FNDC1: variants seen among roughly 807,000 people sequenced by gnomAD.
FNDC1 encodes the protein fibronectin type III domain containing 1.
A neutral mutation model predicts 168.0 loss-of-function variants in FNDC1; 96 were observed. The ratio of observed to expected loss-of-function variants is 0.57; its 90% CI spans 0.48 to 0.68. FNDC1 has a LOEUF of 0.68. Ranked by LOEUF, FNDC1 falls within the 30% of genes least tolerant of loss-of-function variation. The probability of loss-of-function intolerance (pLI) is 0.00; values close to 1 mark genes in which losing one functional copy is unlikely to be tolerated. For synonymous variants in FNDC1, 1,099 were observed against 1,025.9 expected, an observed-to-expected ratio of 1.07 and a Z score of -1.36; for missense variants, 2,587 against 2,482.1, an observed-to-expected ratio of 1.04 and a Z score of -0.90.
intron 4 of FNDC1, among the ~76,000 whole-genome samples, chr6:159,204,940 G>A (rs1329709668): frequency 6.6e-6 from 1 of 152,122 alleles, no homozygotes; most frequent in East Asian, 1.9e-4. Context: ...CTTCCCTGGG[G>A]GGATGAAGGT....
chr6:159,189,372 G>C (rs1277981305), intron 1 of FNDC1, among the ~76,000 whole-genome samples: 2 of 152,198 alleles, frequency 1.3e-5, no homozygotes, highest in African/African-American at 4.8e-5. Context: ...GCTCCAGTTA[G>C]AAAAATTCCT....
intron 12 of FNDC1, among the ~76,000 whole-genome samples, chr6:159,238,097 C>CTTTTT (rs61358656): frequency 7.4e-6 from 1 of 135,102 alleles, no homozygotes; most frequent in African/African-American, 2.7e-5. Context: ...CTGTTTTGTA[C>CTTTTT]TTTTTTTTTT....
Position 159,265,004 on chromosome 6 carries a change from G to C in FNDC1, c.5284G>C (p.Gly1762Arg). ...DNPLLVVRPP[G>R]GEPIWIPFAF... ...TCCTCTGCTTGTTGTGAGGCCCCCA[G>C]GTAAGTTTATGTTCTTGATAATCTG... Residue 1762 changes from glycine to arginine, a missense_variant and splice_region_variant, in exon 20 of 23, where the codon GGC (glycine) becomes CGC (arginine). Gly to Arg is a moderately radical substitution (Grantham distance 125). Coordinates refer to ENST00000297267, the MANE Select transcript of FNDC1 (RefSeq NM_032532.3). The C allele has an allele frequency of 3.7e-6, 6 of 1,605,510 alleles. No individual in the cohort carries two copies. The highest frequency in any genetic ancestry group is 5.1e-6 in the Non-Finnish European group (6 of 1,174,966).
chr6:159,244,509 A>G (rs1238175312), intron 14 of FNDC1, among the ~76,000 whole-genome samples: 1 of 152,076 alleles, frequency 6.6e-6, no homozygotes, highest in Non-Finnish European at 1.5e-5. Flanking sequence ...TGGACAGACT[A>G]CTCGAGGTTG....
chr6:159,252,500 A>G (rs750177320), intron 17 of FNDC1, among the ~76,000 whole-genome samples: 23 of 152,242 alleles, frequency 1.5e-4, no homozygotes, highest in Non-Finnish European at 1.3e-4. Context: ...GGGACACAGA[A>G]AAGAAGGCTT....
At chr6:159,198,496 G>A (rs1008744862) in intron 2 of FNDC1, among the ~76,000 whole-genome samples, 1 of 152,270 alleles carries the variant, frequency 6.6e-6, no homozygotes, top group Middle Eastern at 3.4e-3. Context: ...GGGAGATGAA[G>A]GAAGACAGAC....
chr6:159,246,482 A>T (rs1280781048), intron 14 of FNDC1, among the ~76,000 whole-genome samples: 1 of 152,034 alleles, frequency 6.6e-6, no homozygotes, highest in African/African-American at 2.4e-5. Flanking sequence ...CCAACCGCCC[A>T]CTCTCTTCTG....
Position 159,239,783 on chromosome 6 carries a change from ACCACCAGG to A in FNDC1, c.4449_4456del (p.Thr1484SerfsTer37), listed in dbSNP as rs1783372195. On this transcript the variant is annotated frameshift_variant, in exon 14 of 23. Coordinates refer to ENST00000297267, the MANE Select transcript of FNDC1 (RefSeq NM_032532.3). LOFTEE classifies it high-confidence loss of function. ...CCGCACGACCACCACCCGCCGCACG[ACCACCAGG>A]CGTCCAACAACCACAGTCCGAACCA... 3.2e-6 allele frequency: 5 copies of A among 1,543,280 alleles called. No homozygotes were observed. The highest frequency in any genetic ancestry group is 4.4e-6 in the Non-Finnish European group (5 of 1,141,992).
rs772809340 is a variant in FNDC1 at position 159,239,843 on chromosome 6, C to A, written c.4507C>A (p.Pro1503Thr). The change falls in exon 14 of 23, where the codon CCC becomes ACC. Residue 1503 changes from proline to threonine, a missense_variant. Transcript: ENST00000297267. ...TTTRTTTTTT[P>T]TPTTPIPTCP... Reference sequence around the variant, plus strand: ...TACGCGGACAACCACCACCACCACCCCCACACCCACCACTCCCATCCCCAC... The same window carrying A: ...TACGCGGACAACCACCACCACCACCACCACACCCACCACTCCCATCCCCAC... 87 of 1,545,994 alleles carry A rather than the reference C, an allele frequency of 5.6e-5. No homozygotes were observed. The highest frequency in any genetic ancestry group is 1.2e-5 in the South Asian group (1 of 83,754).
At position 159,239,690 on chromosome 6, in the gene FNDC1, C is replaced by A; in HGVS notation, c.4354C>A (p.Gln1452Lys). 1.9e-6 allele frequency: 3 copies of A among 1,551,398 alleles called. No individual in the cohort carries two copies. Among genetic ancestry groups the A allele is most frequent in the South Asian group, 1.2e-5 (1 of 84,044 alleles). The change falls in exon 14 of 23, where the codon CAG (glutamine) becomes AAG (lysine). Residue 1452 changes from glutamine (Q) to lysine (K), a missense_variant. Transcript: ENST00000297267. ...CACCCATCCCCCTACCACTACCATGCAGCCCACCACTACTACGACGCCCCT... is the reference window on the plus strand; with the variant it reads ...CACCCATCCCCCTACCACTACCATGAAGCCCACCACTACTACGACGCCCCT... ...KTTHPPTTTM[Q>K]PTTTTTPLPT...
intron 4 of FNDC1, among the ~76,000 whole-genome samples, chr6:159,204,643 C>G (rs1037558419): frequency 2.0e-5 from 3 of 152,196 alleles, no homozygotes; most frequent in African/African-American, 4.8e-5. Flanking sequence ...TACCTCTGCC[C>G]GTCGCTCTGC....
In FNDC1 at chr6:159,229,950, A is replaced by G. The variant is rs1285025846; in HGVS notation, c.1316A>G (p.Asn439Ser). Residue 439 changes from asparagine to serine, a missense_variant, in exon 10 of 23, where the codon AAC (asparagine) becomes AGC (serine). Physicochemically the swap from Asn to Ser is conservative, Grantham distance 46 (BLOSUM62 1). Coordinates refer to ENST00000297267, the MANE Select transcript of FNDC1 (RefSeq NM_032532.3). ...ERYLFKIRAT[N>S]RRGLGPHSKA... ...TATCTTTTCAAAATCCGGGCCACAAACAGGAGAGGCCTGGGACCTCACTCC... is the reference window on the plus strand; with the variant it reads ...TATCTTTTCAAAATCCGGGCCACAAGCAGGAGAGGCCTGGGACCTCACTCC... The G allele has an allele frequency of 6.2e-7, 1 of 1,613,812 alleles. No individual in the cohort carries two copies. Among genetic ancestry groups the G allele is most frequent in the Admixed American group, 1.7e-5 (1 of 59,982 alleles).
chr6:159,187,114 C>G (rs7760337), intron 1 of FNDC1, among the ~76,000 whole-genome samples: 5,043 of 152,278 alleles, frequency 0.033, 126 homozygotes, highest in Middle Eastern at 0.095. Flanking sequence ...TAATGGGGAC[C>G]TGCAGCCTAG....
intron 1 of FNDC1, among the ~76,000 whole-genome samples, chr6:159,188,087 A>C (rs1292525557): frequency 1.3e-5 from 2 of 152,214 alleles, no homozygotes; most frequent in East Asian, 3.8e-4. Context: ...GGAAAGTAAA[A>C]CTTGAACTTC....
In FNDC1 at chr6:159,184,701, C is replaced by T. The variant is rs1781956300; in HGVS notation, c.110-12730C>T. Among the ~76,000 whole-genome samples, 4 of 152,170 alleles carry T rather than the reference C, an allele frequency of 2.6e-5. No individual in the cohort carries two copies. In the South Asian group the frequency reaches 8.3e-4, roughly 32 times the overall value. On this transcript the variant is annotated intron_variant, in intron 1 of 22. Transcript: ENST00000297267. Reference sequence around the variant, plus strand: ...AGTGTTTAACATAGTTAGACAATGACTTTCACATTTTGGGAAAAGGAATAA... The same window carrying T: ...AGTGTTTAACATAGTTAGACAATGATTTTCACATTTTGGGAAAAGGAATAA...
rs369577956 is a variant in FNDC1 at position 159,225,568 on chromosome 6, A to G, written c.918A>G (p.Glu306=). ...CCGTGCGCTATCGAGAGAAGGGGGAATTGGCCAGGTGGGATTATAAGCAGA... is the reference window on the plus strand; with the variant it reads ...CCGTGCGCTATCGAGAGAAGGGGGAGTTGGCCAGGTGGGATTATAAGCAGA... ...QYTVRYREKG[E]LARWDYKQIA... is the part of the protein sequence containing the mutation. The change falls in exon 8 of 23, where the codon GAA becomes GAG. Residue 306 remains glutamate (E), a synonymous_variant. Coordinates refer to ENST00000297267, the MANE Select transcript of FNDC1 (RefSeq NM_032532.3). The G allele has an allele frequency of 1.9e-6, 3 of 1,612,338 alleles. No homozygotes were observed. Among genetic ancestry groups the G allele is most frequent in the African/African-American group, 1.3e-5 (1 of 74,868 alleles).
rs185624576 is a variant in FNDC1 at position 159,212,635 on chromosome 6, C to A, written c.461-2310C>A. On this transcript the variant is annotated intron_variant, in intron 4 of 22. Coordinates refer to ENST00000297267, the MANE Select transcript of FNDC1 (RefSeq NM_032532.3). ...TTCACTCTGGTTATTACCGAGACAG[C>A]GAGCTCCATGTTGTCTAGGGAACAG... is the stretch of plus-strand genomic sequence containing the variant. 1.6e-3 allele frequency among the ~76,000 whole-genome samples: 241 copies of A among 152,262 alleles called. 1 individual carries two copies. Among genetic ancestry groups the A allele is most frequent in the African/African-American group, 5.5e-3 (227 of 41,548 alleles).
At chr6:159,255,303 C>A (rs1032869751) in intron 17 of FNDC1, among the ~76,000 whole-genome samples, 1 of 152,168 alleles carries the variant, frequency 6.6e-6, no homozygotes, top group African/African-American at 2.4e-5. Context: ...CCAGGATTCC[C>A]ACTACCTGGA....
At chr6:159,183,718 G>T (rs562377766) in intron 1 of FNDC1, among the ~76,000 whole-genome samples, 2 of 152,330 alleles carry the variant, frequency 1.3e-5, no homozygotes, top group African/African-American at 4.8e-5. Context: ...AGGGAGTGTG[G>T]CATCCCAGAA....
Sources: gnomAD v4.1 joint callset for allele counts (sites outside exome capture counted in the v4.1 genomes callset) on GRCh38, gnomAD v4.1.1 for gene constraint, MANE v1.5 for transcripts, NCBI Gene and HGNC (gene_info 2026-07-23, HGNC 2026-07-21) for gene names.